GIPC2: variants seen among roughly 807,000 people sequenced by gnomAD.
The protein encoded by GIPC2 is GIPC PDZ domain containing family member 2.
A neutral mutation model predicts 30.6 loss-of-function variants in GIPC2; 30 were observed. The observed-to-expected ratio is 0.98, with a 90% CI of 0.73 to 1.33. The LOEUF (loss-of-function observed/expected upper bound fraction) is 1.33, where lower values mean the gene tolerates loss of function less well. Ranked by LOEUF, GIPC2 falls within the 40% of genes most tolerant of loss-of-function variation. The pLI is 0.00. For synonymous variants in GIPC2, 167 were observed against 150.0 expected (o/e 1.11, Z -0.83); for missense variants, 414 against 390.3 (o/e 1.06, Z -0.51).
chr1:78,135,841 C>G lies in GIPC2; in HGVS notation c.*98C>G. On this transcript the variant is annotated 3_prime_UTR_variant, in exon 6 of 6. Transcript: ENST00000370759. ...CTGTTTTTGGACACCTTTACTAACT[C>G]TGGTTTAATTTCATGTGTATGGAAT... 1 of 936,788 alleles carries G rather than the reference C, an allele frequency of 1.1e-6. No homozygotes were observed. The highest frequency in any genetic ancestry group is 1.7e-5 in the African/African-American group (1 of 59,300). 58.0% of individuals were successfully genotyped at this position (936,788 alleles called of 1,614,324 possible). A position where few individuals can be genotyped will look rare whatever the true frequency, so the allele number is the denominator to read the frequency against.
chr1:78,056,455 G>A (rs577758068), intron 1 of GIPC2, among the ~76,000 whole-genome samples: 5 of 152,088 alleles, frequency 3.3e-5, no homozygotes, highest in Admixed American at 6.6e-5. Context: ...TCCAGCCTGG[G>A]CGACAAAAGC....
At chr1:78,047,090 T>C (rs1028890090) in intron 1 of GIPC2, among the ~76,000 whole-genome samples, 5 of 152,208 alleles carry the variant, frequency 3.3e-5, no homozygotes, top group African/African-American at 1.2e-4. Flanking sequence ...TTTAATTAGA[T>C]TTCATGGGGG....
intron 1 of GIPC2, among the ~76,000 whole-genome samples, chr1:78,071,218 GT>G (rs2100325778): frequency 6.6e-6 from 1 of 152,142 alleles, no homozygotes; most frequent in East Asian, 1.9e-4. Flanking sequence ...AAATTACTGT[GT>G]TTATAATACA....
intron 3 of GIPC2, among the ~76,000 whole-genome samples, chr1:78,099,780 G>A (rs1392738244): frequency 6.6e-6 from 1 of 151,994 alleles, no homozygotes; most frequent in East Asian, 1.9e-4. Flanking sequence ...TGAGTCTGAA[G>A]GTATGAATGG....
intron 1 of GIPC2, among the ~76,000 whole-genome samples, chr1:78,065,914 T>C (rs1661501278): frequency 6.6e-6 from 1 of 152,034 alleles, no homozygotes; most frequent in African/African-American, 2.4e-5. Context: ...TTAAAGACTT[T>C]AACAAAATCC....
At chr1:78,062,470 T>A (rs1661411535) in intron 1 of GIPC2, among the ~76,000 whole-genome samples, 1 of 151,942 alleles carries the variant, frequency 6.6e-6, no homozygotes, top group South Asian at 2.1e-4. Context: ...TTCTTAAGAA[T>A]TGAGGAGAAG....
chr1:78,131,763 A>C (rs560276624), intron 5 of GIPC2, among the ~76,000 whole-genome samples: 1 of 152,356 alleles, frequency 6.6e-6, no homozygotes, highest in South Asian at 2.1e-4. Context: ...TGAGAAATAA[A>C]ATAAAAAAGC....
rs537860904 is a variant in GIPC2 at position 78,128,986 on chromosome 1, T to C, written c.796+3024T>C. ...CGCCACTGCACTTTAGACTGGACAA[T>C]AGAGTGAGACCCTGTCTCTAAAAAT... is the stretch of plus-strand genomic sequence containing the variant. On this transcript the variant is annotated intron_variant, in intron 5 of 5. Transcript: ENST00000370759. Among the ~76,000 whole-genome samples, 78 of 148,162 alleles carry C rather than the reference T, an allele frequency of 5.3e-4. 1 individual carries two copies. The South Asian group carries it at 0.014, about 26-fold the overall frequency.
intron 3 of GIPC2, among the ~76,000 whole-genome samples, chr1:78,116,568 A>T (rs764557575): frequency 6.8e-6 from 1 of 147,762 alleles, no homozygotes; most frequent in Non-Finnish European, 1.5e-5. Context: ...AAGTGTTCTC[A>T]TTGTTCAATT....
At chr1:78,063,289 C>T (rs943141800) in intron 1 of GIPC2, among the ~76,000 whole-genome samples, 2 of 151,134 alleles carry the variant, frequency 1.3e-5, no homozygotes, top group Admixed American at 6.6e-5. Flanking sequence ...GTCAGGAGTT[C>T]GCGACCAGCC....
intron 3 of GIPC2, among the ~76,000 whole-genome samples, chr1:78,103,169 G>C (rs1423408396): frequency 6.6e-6 from 1 of 152,218 alleles, no homozygotes; most frequent in Non-Finnish European, 1.5e-5. Context: ...GAGTCAACAT[G>C]CTTGCTGTCC....
At chr1:78,114,251 T>C (rs1226381917) in intron 3 of GIPC2, among the ~76,000 whole-genome samples, 1 of 152,186 alleles carries the variant, frequency 6.6e-6, no homozygotes, top group African/African-American at 2.4e-5. Context: ...ATCCCTGTCA[T>C]AGCTCAGCCC....
chr1:78,089,459 AT>A (rs1372225371), intron 2 of GIPC2, among the ~76,000 whole-genome samples: 3 of 152,242 alleles, frequency 2.0e-5, no homozygotes, highest in African/African-American at 7.2e-5. Flanking sequence ...ATTAGGAGAG[AT>A]CAATGGCAGA....
intron 2 of GIPC2, among the ~76,000 whole-genome samples, chr1:78,085,516 T>G (rs766634100): frequency 3.3e-5 from 5 of 151,942 alleles, no homozygotes; most frequent in Non-Finnish European, 7.4e-5. Context: ...CTTTGTATAT[T>G]TGATAGAATT....
chr1:78,063,762 T>C (rs1661449429), intron 1 of GIPC2, among the ~76,000 whole-genome samples: 1 of 151,726 alleles, frequency 6.6e-6, no homozygotes, highest in Non-Finnish European at 1.5e-5. Flanking sequence ...TGCATGCCTG[T>C]ATTTCCAGCT....
chr1:78,105,480 G>T (rs1001757323), intron 3 of GIPC2, among the ~76,000 whole-genome samples: 6 of 151,942 alleles, frequency 3.9e-5, no homozygotes, highest in African/African-American at 1.5e-4. Flanking sequence ...TAGAGACGGG[G>T]TTTCACCATG....
chr1:78,137,563 A>G lies in GIPC2; in HGVS notation c.*1820A>G, dbSNP rs1304757958. ...ATGTCATTTTCACAATGATCTTTCT[A>G]GAATTTGTGTGTAAGGTTGTGATAT... On this transcript the variant is annotated 3_prime_UTR_variant, in exon 6 of 6. Transcript: ENST00000370759. The G allele has an allele frequency of 6.6e-6, 1 of 152,132 alleles. No individual in the cohort carries two copies. Among genetic ancestry groups the G allele is most frequent in the Non-Finnish European group, 1.5e-5 (1 of 68,014 alleles). 9.4% of individuals were successfully genotyped at this position (152,132 alleles called of 1,614,324 possible).
At chr1:78,078,852 A>AG (rs1334675818) in intron 1 of GIPC2, among the ~76,000 whole-genome samples, 1 of 151,412 alleles carries the variant, frequency 6.6e-6, no homozygotes, top group African/African-American at 2.4e-5. Context: ...AAAAAAAAAA[A>AG]AAAACAACAA....
Position 78,077,249 on chromosome 1 carries a change from A to T in GIPC2, c.241-3426A>T, listed in dbSNP as rs572154511. Reference sequence around the variant, plus strand: ...TTAAAAAATGAAAACCATCTTAATAATTTTTACATTGATTATAGGCTGAAA... The same window carrying T: ...TTAAAAAATGAAAACCATCTTAATATTTTTTACATTGATTATAGGCTGAAA... On this transcript the variant is annotated intron_variant, in intron 1 of 5. Transcript: ENST00000370759. Among the ~76,000 whole-genome samples the T allele has an allele frequency of 2.0e-5, 3 of 152,264 alleles. No homozygotes were observed. The East Asian group carries it at 5.8e-4, about 29-fold the overall frequency.
Sources: gnomAD v4.1 joint callset for allele counts (sites outside exome capture counted in the v4.1 genomes callset) on GRCh38, gnomAD v4.1.1 for gene constraint, MANE v1.5 for transcripts, NCBI Gene and HGNC (gene_info 2026-07-23, HGNC 2026-07-21) for gene names.